The following DAB1 variants were observed in gnomAD, a reference collection of about 807,000 sequenced individuals.
DAB1 encodes the protein DAB adaptor protein 1.
In DAB1, 15 loss-of-function variants were observed where a neutral mutation model predicts 64.6. The ratio of observed to expected loss-of-function variants is 0.23; its 90% CI spans 0.16 to 0.36. The LOEUF (loss-of-function observed/expected upper bound fraction) is 0.36. Ranked by LOEUF, DAB1 falls within the 10% of genes least tolerant of loss-of-function variation. DAB1 has a pLI of 1.00. For missense variants in DAB1, 596 were observed against 706.7 expected (o/e 0.84, Z 1.78); for synonymous variants, 235 against 251.9 (o/e 0.93, Z 0.64).
chr1:58,542,966 AG>A (rs1488207142), intron 1 of DAB1, among the ~76,000 whole-genome samples: 1 of 142,244 alleles, frequency 7.0e-6, no homozygotes, highest in African/African-American at 2.6e-5. Flanking sequence ...TATGAAAGCA[AG>A]AACTACAAAC....
At chr1:57,415,882 C>T (rs1194575715) in intron 1 of DAB1, among the ~76,000 whole-genome samples, 1 of 152,120 alleles carries the variant, frequency 6.6e-6, no homozygotes, top group African/African-American at 2.4e-5. Context: ...TCATTCACAC[C>T]ACAAAGTTCA....
At chr1:57,802,067 A>G (rs1651154528) in intron 6 of DAB1, among the ~76,000 whole-genome samples, 1 of 152,228 alleles carries the variant, frequency 6.6e-6, no homozygotes, top group African/African-American at 2.4e-5. Flanking sequence ...CTTTGAACAC[A>G]CTGGGGAGAT....
At chr1:57,317,755 T>A (rs1481773399) in intron 1 of DAB1, among the ~76,000 whole-genome samples, 1 of 152,152 alleles carries the variant, frequency 6.6e-6, no homozygotes, top group Non-Finnish European at 1.5e-5. Flanking sequence ...GATCTCCAGG[T>A]GATTTACAGG....
At chr1:57,318,890 A>G (rs1470072517) in intron 1 of DAB1, among the ~76,000 whole-genome samples, 1 of 152,164 alleles carries the variant, frequency 6.6e-6, no homozygotes, top group Non-Finnish European at 1.5e-5. Flanking sequence ...CCTGCTCTTT[A>G]CAGTAGCACA....
At chr1:57,558,013 T>G (rs896616156) in intron 7 of DAB1, among the ~76,000 whole-genome samples, 4 of 98,654 alleles carry the variant, frequency 4.1e-5, no homozygotes, top group Non-Finnish European at 9.1e-5. Flanking sequence ...TGTGAGTGGC[T>G]GACCTGCAAC....
chr1:57,308,352 G>C (rs768201630), intron 1 of DAB1, among the ~76,000 whole-genome samples: 2 of 152,102 alleles, frequency 1.3e-5, no homozygotes, highest in Non-Finnish European at 2.9e-5. Flanking sequence ...GAAGAAGCAT[G>C]AAAAGATCTC....
intron 3 of DAB1, among the ~76,000 whole-genome samples, chr1:58,353,258 G>A (rs1644076719): frequency 6.6e-6 from 1 of 152,076 alleles, no homozygotes. Flanking sequence ...CACTAAAACA[G>A]CCACTGACAT....
intron 4 of DAB1, among the ~76,000 whole-genome samples, chr1:58,294,298 T>C (rs1381436464): frequency 2.0e-5 from 3 of 152,184 alleles, no homozygotes; most frequent in African/African-American, 7.2e-5. Context: ...TTTATATAAA[T>C]CCTATAGAAA....
intron 1 of DAB1, among the ~76,000 whole-genome samples, chr1:57,852,300 A>AT (rs1168882893): frequency 6.6e-6 from 1 of 151,796 alleles, no homozygotes; most frequent in Non-Finnish European, 1.5e-5. Context: ...GTTTATTAAC[A>AT]TTTTTCATAC....
At chr1:57,189,089 A>G (rs1479718525) in intron 2 of DAB1, among the ~76,000 whole-genome samples, 1 of 151,906 alleles carries the variant, frequency 6.6e-6, no homozygotes, top group Non-Finnish European at 1.5e-5. Flanking sequence ...CACCCTTGCT[A>G]CCTCTTGTCT....
At chr1:57,757,748 C>T (rs1242865217) in intron 6 of DAB1, among the ~76,000 whole-genome samples, 2 of 152,110 alleles carry the variant, frequency 1.3e-5, no homozygotes, top group African/African-American at 4.8e-5. Context: ...TCCATTTTAA[C>T]TTTTTTGGCG....
chr1:57,523,183 T>A (rs1644550662), intron 7 of DAB1, among the ~76,000 whole-genome samples: 1 of 152,164 alleles, frequency 6.6e-6, no homozygotes, highest in African/African-American at 2.4e-5. Context: ...TACACCCCCC[T>A]TCCCTGTCTG....
chr1:57,001,908 C>T (rs1645883271), intron 14 of DAB1, among the ~76,000 whole-genome samples: 1 of 151,940 alleles, frequency 6.6e-6, no homozygotes, highest in Non-Finnish European at 1.5e-5. Flanking sequence ...TGTCTTCACT[C>T]CTACTATGGC....
chr1:58,282,350 C>T (rs561427536), intron 4 of DAB1, among the ~76,000 whole-genome samples: 2 of 152,264 alleles, frequency 1.3e-5, no homozygotes, highest in East Asian at 3.9e-4. Flanking sequence ...TCTCAGTCAC[C>T]ACTAGCCACC....
At chr1:57,231,891 T>C (rs1667704883) in intron 2 of DAB1, among the ~76,000 whole-genome samples, 1 of 152,208 alleles carries the variant, frequency 6.6e-6, no homozygotes, top group Non-Finnish European at 1.5e-5. Flanking sequence ...TTCTGACTCA[T>C]CCAGCCTCTT....
intron 5 of DAB1, among the ~76,000 whole-genome samples, chr1:57,934,181 G>A (rs1019424292): frequency 6.6e-6 from 1 of 151,416 alleles, no homozygotes; most frequent in Non-Finnish European, 1.5e-5. Flanking sequence ...CACTTTGGCC[G>A]CCCAAAGTGC....
intron 9 of DAB1, among the ~76,000 whole-genome samples, chr1:57,034,921 A>G (rs1410046665): frequency 1.3e-5 from 2 of 152,184 alleles, no homozygotes; most frequent in Non-Finnish European, 2.9e-5. Flanking sequence ...CAAAGTGCAG[A>G]GCAGAGCAGA....
chr1:58,169,813 C>T (rs1202074491), intron 4 of DAB1, among the ~76,000 whole-genome samples: 1 of 152,138 alleles, frequency 6.6e-6, no homozygotes, highest in African/African-American at 2.4e-5. Context: ...ACCACAAAAA[C>T]CCCCAGGCTA....
chr1:58,040,455 G>A (rs984624104), intron 5 of DAB1, among the ~76,000 whole-genome samples: 3 of 152,188 alleles, frequency 2.0e-5, no homozygotes, highest in Non-Finnish European at 4.4e-5. Context: ...AGAAATCTCT[G>A]ATGGTGCTGA....
Sources: allele counts gnomAD v4.1 joint callset (sites outside exome capture counted in the v4.1 genomes callset), GRCh38; gene constraint gnomAD v4.1.1; transcripts MANE v1.5; gene names NCBI Gene and HGNC (gene_info 2026-07-23, HGNC 2026-07-21).